The following CACNA2D4 variants were observed in gnomAD, a reference collection of about 807,000 sequenced individuals.
CACNA2D4 encodes the protein voltage-dependent calcium channel subunit alpha-2/delta-4.
Under a neutral mutation model 163.8 loss-of-function variants are expected in CACNA2D4, and 157 were observed. The ratio of observed to expected loss-of-function variants is 0.96; its 90% confidence interval spans 0.84 to 1.09. The LOEUF (loss-of-function observed/expected upper bound fraction) is 1.09. Ranked by LOEUF, CACNA2D4 falls within the 50% of genes least tolerant of loss-of-function variation. The pLI is 0.00. For missense variants in CACNA2D4, 1,410 were observed against 1,479.9 expected, an observed-to-expected ratio of 0.95 and a Z score of 0.78; for synonymous variants, 598 against 586.9, an observed-to-expected ratio of 1.02 and a Z score of -0.27.
intron 35 of CACNA2D4, 50 bp from the exon 36 acceptor site, chr12:1,795,830 G>GTTCCTTCCCTA: frequency 1.7e-6 from 2 of 1,165,652 alleles, no homozygotes; most frequent in Non-Finnish European, 2.6e-6. Context: ...ACCACGAGAA[G>GTTCCTTCCCTA]GGCTTCTAGG....
At chr12:1,808,998 T>C (rs572120512) in intron 29 of CACNA2D4, among the ~76,000 whole-genome samples, 1 of 152,212 alleles carries the variant, frequency 6.6e-6, no homozygotes, top group East Asian at 1.9e-4. Context: ...CCGCCCACAC[T>C]CCCACCAACA....
Position 1,828,027 on chromosome 12 carries a change from G to C in CACNA2D4, c.2551+12712C>G, listed in dbSNP as rs1592685417. 1 of 869,770 alleles carries C rather than the reference G, an allele frequency of 1.1e-6. No homozygotes were observed. The highest frequency in any genetic ancestry group is 1.6e-6 in the Non-Finnish European group (1 of 606,458). 53.9% of individuals were successfully genotyped at this position (869,770 alleles called of 1,614,324 possible). A position where few individuals can be genotyped will look rare whatever the true frequency, so the allele number is the denominator to read the frequency against. On this transcript the variant is annotated intron_variant, in intron 26 of 37. Coordinates refer to ENST00000382722, the MANE Select transcript of CACNA2D4 (RefSeq NM_172364.5). The surrounding 1 kb of genome is among the most constrained non-coding windows in gnomAD (Gnocchi z 4.2). The stretch of plus-strand genomic sequence containing the variant: ...GGCCCTCTCCCTAACCCCTGGGCTG[G>C]AACGGGGCTCCCGCGCCTGCCTGTG...
intron 23 of CACNA2D4, among the ~76,000 whole-genome samples, chr12:1,852,170 A>G (rs59620123): frequency 0.07 from 10,625 of 152,158 alleles, 844 homozygotes; most frequent in East Asian, 0.4. Flanking sequence ...TCATCTTTAA[A>G]CAGCGACAAT....
chr12:1,914,917 G>A lies in CACNA2D4; in HGVS notation c.246C>T (p.Asp82=), dbSNP rs756119369. ...IPLETVKLWA[D]TFGGDLYNTV... ...TGTTATACAGGTCCCCGCCGAAGGT[G>A]TCAGCCCATAGCTTCACTCTGCCAG... The change falls in exon 2 of 38, where the codon GAC becomes GAT. Residue 82 remains aspartate, a synonymous_variant. Transcript: ENST00000382722. 30 of 1,613,442 alleles carry A rather than the reference G, an allele frequency of 1.9e-5. No individual in the cohort carries two copies. The South Asian group carries it at 3.0e-4, about 16-fold the overall frequency.
intron 26 of CACNA2D4, chr12:1,827,807 T>G: frequency 3.4e-6 from 1 of 298,334 alleles, no homozygotes; most frequent in African/African-American, 2.2e-5. Flanking sequence ...AGAAGGCAGA[T>G]GAGGCTGGGT....
In CACNA2D4 at chr12:1,917,426, C is replaced by T. The variant is rs1054238285; in HGVS notation, c.227+821G>A. ...CACTCCTGCTAAGACATGCAGTTGG[C>T]AGGTGGCTCTGTTGGTGGCCTGGCT... On this transcript the variant is annotated intron_variant, in intron 1 of 37. Coordinates refer to ENST00000382722, the MANE Select transcript of CACNA2D4 (RefSeq NM_172364.5). The surrounding 1 kb of genome is among the most constrained non-coding windows in gnomAD (Gnocchi z 4.3). Among the ~76,000 whole-genome samples the T allele has an allele frequency of 6.6e-6, 1 of 152,184 alleles. No individual in the cohort carries two copies. Among genetic ancestry groups the T allele is most frequent in the Admixed American group, 6.5e-5 (1 of 15,286 alleles).
rs373314376 is a variant in CACNA2D4 at position 1,907,905 on chromosome 12, C to G, written c.619G>C (p.Val207Leu). The change falls in exon 5 of 38, where the codon GTG becomes CTG. Residue 207 changes from valine to leucine, a missense_variant. Transcript: ENST00000382722. ...TTGTACACGTTGGTGGGCAGCTGCA[C>G]GCTGCTGATGGAGGTGTTCACCGGC... ...NLPVNTSISS[V>L]QLPTNVYNKD... 3.7e-6 allele frequency: 6 copies of G among 1,614,046 alleles called. No individual in the cohort carries two copies. Among genetic ancestry groups the G allele is most frequent in the Non-Finnish European group, 4.2e-6 (5 of 1,179,896 alleles).
chr12:1,881,509 C>T (rs9669070), intron 13 of CACNA2D4, among the ~76,000 whole-genome samples: 17,014 of 152,296 alleles, frequency 0.11, 1,142 homozygotes, highest in African/African-American at 0.17. Context: ...GAGGCCCACA[C>T]GGAGCACCGG....
chr12:1,828,950 G>C lies in CACNA2D4; in HGVS notation c.2551+11789C>G, dbSNP rs1184008236. Among the ~76,000 whole-genome samples, 1 of 152,218 alleles carries C rather than the reference G, an allele frequency of 6.6e-6. No individual in the cohort carries two copies. Among genetic ancestry groups the C allele is most frequent in the Non-Finnish European group, 1.5e-5 (1 of 68,036 alleles). On this transcript the variant is annotated intron_variant, in intron 26 of 37. Transcript: ENST00000382722. The surrounding 1 kb of genome is among the most constrained non-coding windows in gnomAD (Gnocchi z 4.2). Reference sequence around the variant, plus strand: ...CTGCCCAAGGCTACACGGTGGCAGGGAGGAAACGGTCCCGCGGGACGGCAT... The same window carrying C: ...CTGCCCAAGGCTACACGGTGGCAGGCAGGAAACGGTCCCGCGGGACGGCAT...
In CACNA2D4 at chr12:1,828,211, C is replaced by T. The variant is rs1238615530; in HGVS notation, c.2551+12528G>A. 6.5e-7 allele frequency: 1 copy of T among 1,545,752 alleles called. No homozygotes were observed. Among genetic ancestry groups the T allele is most frequent in the Non-Finnish European group, 8.7e-7 (1 of 1,144,858 alleles). ...GGCTCGCCCTGCAGTGGAGGCAAGTCTCCTGTGAGTACACCCCTGGCCTCG... is the reference window on the plus strand; with the variant it reads ...GGCTCGCCCTGCAGTGGAGGCAAGTTTCCTGTGAGTACACCCCTGGCCTCG... On this transcript the variant is annotated intron_variant, in intron 26 of 37. Transcript: ENST00000382722. The surrounding 1 kb of genome is among the most constrained non-coding windows in gnomAD (Gnocchi z 4.2).
intron 32 of CACNA2D4, 129 bp downstream of exon 32, chr12:1,800,257 G>T: frequency 9.3e-7 from 1 of 1,071,152 alleles, no homozygotes; most frequent in African/African-American, 1.6e-5. Flanking sequence ...CAGGGATTGT[G>T]CCCTCCTTCC....
Position 1,879,868 on chromosome 12 carries a change from T to G in CACNA2D4, c.1499A>C (p.Gln500Pro). The G allele has an allele frequency of 6.3e-7, 1 of 1,598,864 alleles. No homozygotes were observed. The highest frequency in any genetic ancestry group is 8.5e-7 in the Non-Finnish European group (1 of 1,172,866). Residue 500 changes from glutamine (Q) to proline (P), a missense_variant, in exon 14 of 38, where the codon CAG becomes CCG. Transcript: ENST00000382722. ...AYMDSKLLSSQAQSLTLLTTV... is the reference protein window; with the variant it reads ...AYMDSKLLSSPAQSLTLLTTV... ...GGTGAGCAGTGTCAGGCTCTGAGCC[T>G]GCGAGCTGAGGAGCTGTAAGGGAGG...
rs1480664967 is a variant in CACNA2D4, at chr12:1,823,017, A to C, written c.2552-11294T>G. On this transcript the variant is annotated intron_variant, in intron 26 of 37. Coordinates refer to ENST00000382722, the MANE Select transcript of CACNA2D4 (RefSeq NM_172364.5). ...TTCTCTCTGGCCTTCTGCAGAGTGA[A>C]GGGGGCGGCAGAGTAGGCTGCAAAT... Among the ~76,000 whole-genome samples, 3 of 152,310 alleles carry C rather than the reference A, an allele frequency of 2.0e-5. No individual in the cohort carries two copies. The East Asian group carries it at 5.8e-4, about 29-fold the overall frequency.
At position 1,810,360 on chromosome 12, in the gene CACNA2D4, G is replaced by A. The variant is rs777089600; in HGVS notation, c.2659-20C>T. On this transcript the variant is annotated intron_variant, in intron 28 of 37. Coordinates refer to ENST00000382722, the MANE Select transcript of CACNA2D4 (RefSeq NM_172364.5). The stretch of plus-strand genomic sequence containing the variant: ...CAGATCCTGGGAGGAAACCCAGAAG[G>A]GAGGTTATGCCAGGGCCCTCACCCA... The A allele has an allele frequency of 1.4e-5, 22 of 1,612,102 alleles. No individual in the cohort carries two copies. The South Asian group carries it at 2.0e-4, about 15-fold the overall frequency.
chr12:1,835,156 C>T (rs556992945), intron 26 of CACNA2D4: 1 of 168,876 alleles, frequency 5.9e-6, no homozygotes, highest in African/African-American at 2.4e-5. Flanking sequence ...AGGTAGATTT[C>T]TGAGACTCTC....
chr12:1,840,453 T>TG (rs1185078554), intron 26 of CACNA2D4, among the ~76,000 whole-genome samples: 1 of 2,184 alleles, frequency 4.6e-4, no homozygotes, highest in Admixed American at 6.2e-3. Context: ...GGGGGGTGGG[T>TG]GGGGGGCGGC....
At position 1,798,622 on chromosome 12, in the gene CACNA2D4, G is replaced by A. The variant is rs976800117; in HGVS notation, c.2995+1053C>T. Among the ~76,000 whole-genome samples the A allele has an allele frequency of 2.0e-5, 3 of 152,184 alleles. No individual in the cohort carries two copies. The highest frequency in any genetic ancestry group is 2.9e-5 in the Non-Finnish European group (2 of 68,024). On this transcript the variant is annotated intron_variant, in intron 34 of 37. Transcript: ENST00000382722. This position sits in a 1 kb window ranked among gnomAD's most constrained non-coding sequence, Gnocchi z 4.3. The stretch of plus-strand genomic sequence containing the variant: ...CAGTGGAAGGGGCTGCAGCACCTAC[G>A]CCCCGGCCTGGGACTCCAAGTCCAG...
rs1866866221 is a variant in CACNA2D4, at chr12:1,912,871, T to G, written c.426+152A>C. 1.3e-5 allele frequency among the ~76,000 whole-genome samples: 2 copies of G among 152,134 alleles called. 1 individual carries two copies. The highest frequency in any genetic ancestry group is 4.1e-4 in the South Asian group (2 of 4,824). ...ACAGGGATTCTTGGAGTGAGGGTTC[T>G]TTTGGCTAACGAAGGTACAAGGCGG... On this transcript the variant is annotated intron_variant, in intron 3 of 37. Transcript: ENST00000382722.
At chr12:1,793,803 G>T in intron 37 of CACNA2D4, 44 bp from the exon 38 acceptor site, 1 of 1,535,590 alleles carries the variant, frequency 6.5e-7, no homozygotes, top group South Asian at 1.1e-5. Context: ...CTCAGAGGAG[G>T]ACCCTCAAAA....
Sources: allele counts gnomAD v4.1 joint callset (sites outside exome capture counted in the v4.1 genomes callset), GRCh38; gene constraint gnomAD v4.1.1; non-coding constraint Gnocchi (gnomAD v3.1); transcripts MANE v1.5; gene names NCBI Gene and HGNC (gene_info 2026-07-23, HGNC 2026-07-21).